SYNE2: variants seen among roughly 807,000 people sequenced by gnomAD.
The protein encoded by SYNE2 is spectrin repeat containing nuclear envelope protein 2, also known as nesprin-2.
A neutral mutation model predicts 856.3 loss-of-function variants in SYNE2; 431 were observed. That is an observed-to-expected ratio of 0.50 (90% CI 0.47 to 0.55). The LOEUF (loss-of-function observed/expected upper bound fraction) is 0.55. SYNE2 is among the 20% of genes least tolerant of loss of function. The pLI, the probability that SYNE2 is intolerant of heterozygous loss-of-function variation, is 0.00. For synonymous variants in SYNE2, 2,923 were observed against 2,872.3 expected, an observed-to-expected ratio of 1.02 and a Z score of -0.56; for missense variants, 8,129 against 8,023.2, an observed-to-expected ratio of 1.01 and a Z score of -0.50.
intron 1 of SYNE2, among the ~76,000 whole-genome samples, chr14:63,883,957 A>AT (rs915979551): frequency 5.9e-5 from 9 of 151,358 alleles, no homozygotes; most frequent in Non-Finnish European, 8.8e-5. Flanking sequence ...TCAGGAAGAA[A>AT]TTTTTTTTGT....
At chr14:64,166,946 TAAA>T (rs1157059315) in intron 90 of SYNE2, 1 of 427,744 alleles carries the variant, frequency 2.3e-6, no homozygotes, top group South Asian at 2.2e-5. Context: ...AAATAAAAAA[TAAA>T]AAAGCCTATT....
At chr14:63,899,346 C>T (rs1397169539) in intron 1 of SYNE2, among the ~76,000 whole-genome samples, 1 of 152,068 alleles carries the variant, frequency 6.6e-6, no homozygotes, top group East Asian at 1.9e-4. Context: ...GGACTATAGG[C>T]GCCTGCCACC....
intron 1 of SYNE2, among the ~76,000 whole-genome samples, chr14:63,881,460 G>A (rs1375042940): frequency 6.6e-6 from 1 of 151,718 alleles, no homozygotes; most frequent in East Asian, 1.9e-4. Flanking sequence ...ACCAGCCTAG[G>A]CAGCATAGTG....
At chr14:63,947,449 C>T (rs1223647426) in intron 6 of SYNE2, among the ~76,000 whole-genome samples, 1 of 152,212 alleles carries the variant, frequency 6.6e-6, no homozygotes, top group African/African-American at 2.4e-5. Context: ...GATCTACCGT[C>T]TTTCAAGAAT....
chr14:63,808,503 A>C (rs1888476641), intron 1 of SYNE2: 1 of 153,084 alleles, frequency 6.5e-6, no homozygotes, highest in Admixed American at 6.6e-5. Context: ...ACAAACAACC[A>C]AAAAGAGATC....
intron 92 of SYNE2, among the ~76,000 whole-genome samples, chr14:64,168,066 T>A (rs1567528948): frequency 6.6e-6 from 1 of 152,190 alleles, no homozygotes; most frequent in Non-Finnish European, 1.5e-5. Flanking sequence ...TATGCTGACA[T>A]GTATTTGAAA....
chr14:64,209,606 T>C, intron 102 of SYNE2, 28 bp downstream of exon 102: 1 of 1,613,026 alleles, frequency 6.2e-7, no homozygotes, highest in Non-Finnish European at 8.5e-7. Flanking sequence ...CCCGGTCTCC[T>C]GATCATAACC....
intron 57 of SYNE2, among the ~76,000 whole-genome samples, chr14:64,082,977 G>A (rs1158087140): frequency 2.6e-5 from 4 of 152,154 alleles, no homozygotes; most frequent in African/African-American, 7.2e-5. Flanking sequence ...CATTGCGCAG[G>A]TGTGTTTCCC....
At chr14:64,045,303 G>A (rs921769617) in intron 45 of SYNE2, among the ~76,000 whole-genome samples, 16 of 152,124 alleles carry the variant, frequency 1.1e-4, no homozygotes, top group South Asian at 2.1e-4. Context: ...TTGTGTAACA[G>A]TAGTCCTCAG....
At chr14:64,203,264 T>A (rs753244045) in intron 100 of SYNE2, among the ~76,000 whole-genome samples, 6 of 152,248 alleles carry the variant, frequency 3.9e-5, no homozygotes, top group Non-Finnish European at 8.8e-5. Flanking sequence ...TGTTGTGTTT[T>A]GTTAATATAG....
intron 103 of SYNE2, 109 bp from the exon 104 acceptor site, chr14:64,211,852 C>G: frequency 6.6e-7 from 1 of 1,519,280 alleles, no homozygotes; most frequent in African/African-American, 1.4e-5. Context: ...GCAGATTTCT[C>G]CCTGAGTATT....
At position 64,202,865 on chromosome 14, in the gene SYNE2, C is replaced by A. The variant is rs748944053; in HGVS notation, c.18103C>A (p.Arg6035Ser). ...QQLDKNMSNL[R>S]TWLARIESEL... ...GTTGGACAAAAACATGAGCAACCTT[C>A]GCACCTGGTTGGCTCGAATTGAGTC... The change falls in exon 100 of 116, where the codon CGC (arginine) becomes AGC (serine). Residue 6035 changes from arginine (R) to serine (S), a missense_variant. Around this residue, in one of 3 missense-constraint regions of SYNE2, gnomAD observed 5,410 missense variants for 5,284.8 expected, o/e 1.02. Transcript: ENST00000555002. The A allele has an allele frequency of 6.2e-7, 1 of 1,614,152 alleles. No individual in the cohort carries two copies. The highest frequency in any genetic ancestry group is 2.2e-5 in the East Asian group (1 of 44,886).
intron 8 of SYNE2, among the ~76,000 whole-genome samples, chr14:63,960,238 T>C (rs1489587165): frequency 6.6e-6 from 1 of 152,242 alleles, no homozygotes; most frequent in Non-Finnish European, 1.5e-5. Context: ...CCCTCAGCTT[T>C]TTATTGCTGG....
At chr14:64,159,163 C>G (rs1279577029) in intron 86 of SYNE2, 149 bp from the exon 87 acceptor site, 2 of 1,089,098 alleles carry the variant, frequency 1.8e-6, no homozygotes, top group African/African-American at 3.1e-5. Context: ...AATGCCTTCT[C>G]CATTGTTTTC....
chr14:63,855,535 AC>A (rs1302698072), intron 1 of SYNE2, among the ~76,000 whole-genome samples: 1 of 151,018 alleles, frequency 6.6e-6, no homozygotes, highest in East Asian at 1.9e-4. Context: ...GCCTGGAATG[AC>A]CCCCTGTCCC....
Position 64,122,364 on chromosome 14 carries a change from A to T in SYNE2, c.13359A>T (p.Gln4453His). 2 of 1,614,172 alleles carry T rather than the reference A, an allele frequency of 1.2e-6. No individual in the cohort carries two copies. Among genetic ancestry groups the T allele is most frequent in the Non-Finnish European group, 1.7e-6 (2 of 1,180,030 alleles). ...AGGGCCAAAATGGAGATAAGTGGCA[A>T]TATCTGCATCATGAACTCTCATCAA... ...SPQGQNGDKW[Q>H]YLHHELSSKI... The change falls in exon 70 of 116, where the codon CAA (glutamine) becomes CAT (histidine). Residue 4453 changes from glutamine (Q) to histidine (H), a missense_variant. Gln to His is a conservative substitution (Grantham distance 24, BLOSUM62 0). Transcript: ENST00000555002.
At chr14:63,936,438 G>A (rs2095834690) in intron 2 of SYNE2, among the ~76,000 whole-genome samples, 1 of 152,164 alleles carries the variant, frequency 6.6e-6, no homozygotes, top group Non-Finnish European at 1.5e-5. Flanking sequence ...TTTTAGATCG[G>A]ACAGTCAGGG....
intron 2 of SYNE2, among the ~76,000 whole-genome samples, chr14:63,937,093 T>C (rs2095843353): frequency 1.3e-5 from 2 of 152,080 alleles, no homozygotes; most frequent in Non-Finnish European, 2.9e-5. Flanking sequence ...GAATAGACCA[T>C]TGGTTTTCAT....
intron 2 of SYNE2, among the ~76,000 whole-genome samples, chr14:63,932,338 T>G (rs1317824494): frequency 1.3e-5 from 2 of 152,140 alleles, no homozygotes; most frequent in Non-Finnish European, 2.9e-5. Context: ...GCCGAGATCG[T>G]GCCATTGCAC....
Sources: allele counts gnomAD v4.1 joint callset (sites outside exome capture counted in the v4.1 genomes callset), GRCh38; gene constraint gnomAD v4.1.1; regional missense constraint gnomAD v4.1.1; transcripts MANE v1.5; gene names NCBI Gene and HGNC (gene_info 2026-07-23, HGNC 2026-07-21).